The following IMMT variants were observed in gnomAD, a reference collection of about 807,000 sequenced individuals.
IMMT encodes inner membrane mitochondrial protein.
In IMMT, 40 loss-of-function variants were observed where a neutral mutation model predicts 92.7. That is an observed-to-expected ratio of 0.43 (90% confidence interval 0.34 to 0.56). The LOEUF (loss-of-function observed/expected upper bound fraction) is 0.56. IMMT is among the 20% of genes least tolerant of loss of function. The pLI is 0.03. For synonymous variants in IMMT, 322 were observed against 336.1 expected (o/e 0.96, Z 0.46); for missense variants, 831 against 912.1 (o/e 0.91, Z 1.14).
chr2:86,170,647 AACC>A (rs1677017427), intron 6 of IMMT, 99 bp downstream of exon 6: 1 of 732,026 alleles, frequency 1.4e-6, no homozygotes, highest in African/African-American at 1.8e-5. Flanking sequence ...CAACAAAAGA[AACC>A]ACAACTAGGT....
intron 13 of IMMT, among the ~76,000 whole-genome samples, chr2:86,146,653 G>T (rs1453546807): frequency 6.6e-6 from 1 of 152,138 alleles, no homozygotes; most frequent in Non-Finnish European, 1.5e-5. Context: ...GTGAGCCACC[G>T]TGCCCGGCCG....
intron 4 of IMMT, among the ~76,000 whole-genome samples, chr2:86,171,850 A>C (rs2105241028): frequency 8.6e-6 from 1 of 116,654 alleles, no homozygotes; most frequent in Non-Finnish European, 2.0e-5. Flanking sequence ...TAAAATACAT[A>C]TATATATATA....
chr2:86,194,466 A>T (rs1673390977), intron 1 of IMMT, among the ~76,000 whole-genome samples: 1 of 152,198 alleles, frequency 6.6e-6, no homozygotes, highest in African/African-American at 2.4e-5. Context: ...ACAAAGCTTG[A>T]CTTTTATGAT....
rs772186185 is a variant in IMMT at position 86,152,440 on chromosome 2, C to CAAAAAAAAAA, written c.1178-930_1178-921dup. 1.3e-3 allele frequency among the ~76,000 whole-genome samples: 99 copies of CAAAAAAAAAA among 76,814 alleles called. 3 individuals carry two copies. The highest frequency in any genetic ancestry group is 1.5e-3 in the African/African-American group (28 of 18,518). 50.4% of individuals were successfully genotyped at this position (76,814 alleles called of 152,430 possible). A position where few individuals can be genotyped will look rare whatever the true frequency, so the allele number is the denominator to read the frequency against. ...TGGGCAACAGAGCAAGACTCCATCT[C>CAAAAAAAAAA]AAAAAAAAAAAAAAAAAAGAGAGAA... is the stretch of plus-strand genomic sequence containing the variant. On this transcript the variant is annotated intron_variant, in intron 11 of 14. Transcript: ENST00000410111.
intron 8 of IMMT, 48 bp from the exon 9 acceptor site, chr2:86,159,719 A>C (rs773007207): frequency 3.4e-6 from 5 of 1,486,554 alleles, no homozygotes; most frequent in Non-Finnish European, 4.5e-6. Context: ...TGTCAACTGT[A>C]TTAAAAAGTT....
At chr2:86,181,712 T>A (rs1215439058) in intron 1 of IMMT, among the ~76,000 whole-genome samples, 1 of 152,260 alleles carries the variant, frequency 6.6e-6, no homozygotes, top group East Asian at 1.9e-4. Flanking sequence ...AAAAAAAATC[T>A]ATTTTTACTT....
chr2:86,158,474 A>G lies in IMMT; in HGVS notation c.1162+118T>C, dbSNP rs567417714. 814 of 760,314 alleles carry G rather than the reference A, an allele frequency of 1.1e-3. 1 individual carries two copies. The highest frequency in any genetic ancestry group is 1.5e-3 in the Non-Finnish European group (713 of 478,844). The allele number at this position is 760,314 out of a possible 1,614,324, so 47.1% of individuals were successfully genotyped here. A position where few individuals can be genotyped will look rare whatever the true frequency, so the allele number is the denominator to read the frequency against. On this transcript the variant is annotated intron_variant, in intron 10 of 14. Coordinates refer to ENST00000410111, the MANE Select transcript of IMMT (RefSeq NM_006839.3). ...GTGGTTAAAATAAAACGCTGTAACAAAAAGAGATATGCATGCATGCCAGAG... is the reference window on the plus strand; with the variant it reads ...GTGGTTAAAATAAAACGCTGTAACAGAAAGAGATATGCATGCATGCCAGAG...
intron 1 of IMMT, chr2:86,192,910 A>T (rs1235079338): frequency 6.5e-6 from 1 of 154,064 alleles, no homozygotes. Context: ...AGAAAAATGA[A>T]ATATGAGAAG....
chr2:86,156,799 CATTTT>C (rs1324411538), intron 10 of IMMT, among the ~76,000 whole-genome samples: 1 of 152,054 alleles, frequency 6.6e-6, no homozygotes, highest in Non-Finnish European at 1.5e-5. Flanking sequence ...AACCTAATTT[CATTTT>C]ATTTGAGCCA....
intron 12 of IMMT, among the ~76,000 whole-genome samples, chr2:86,149,829 A>C (rs542557385): frequency 4.0e-5 from 6 of 151,804 alleles, no homozygotes; most frequent in African/African-American, 1.5e-4. Context: ...GCAATGAGCC[A>C]AGATTGCACT....
At chr2:86,150,807 C>T (rs1675409840) in intron 12 of IMMT, among the ~76,000 whole-genome samples, 1 of 152,190 alleles carries the variant, frequency 6.6e-6, no homozygotes, top group East Asian at 1.9e-4. Flanking sequence ...AGGAACTCTG[C>T]TCGATCACTC....
At chr2:86,145,974 A>G (rs993701654) in intron 14 of IMMT, 94 bp downstream of exon 14, 40 of 966,748 alleles carry the variant, frequency 4.1e-5, no homozygotes, top group Non-Finnish European at 5.5e-5. Context: ...TTATGTCCTG[A>G]TGTCAGTACA....
At chr2:86,145,987 T>G in intron 14 of IMMT, 81 bp downstream of exon 14, 1 of 1,140,980 alleles carries the variant, frequency 8.8e-7, no homozygotes, top group Non-Finnish European at 1.2e-6. Flanking sequence ...TCAGTACATG[T>G]ACCCCATTTT....
chr2:86,159,432 A>C, intron 9 of IMMT, 104 bp downstream of exon 9: 1 of 1,003,548 alleles, frequency 1.0e-6, no homozygotes. Flanking sequence ...TTGCAGGAGA[A>C]AAGACGGGGA....
At chr2:86,166,396 C>T in intron 7 of IMMT, 112 bp downstream of exon 7, 2 of 877,044 alleles carry the variant, frequency 2.3e-6, no homozygotes, top group East Asian at 2.6e-5. Flanking sequence ...AAGCCGATAT[C>T]ATACGGAAGA....
rs184715322 is a variant in IMMT, at chr2:86,150,175, A to G, written c.1401+1122T>C. On this transcript the variant is annotated intron_variant, in intron 12 of 14. Coordinates refer to ENST00000410111, the MANE Select transcript of IMMT (RefSeq NM_006839.3). ...ATCTGTTTGGAGCATGATAAGCATG[A>G]AATGACTACTGAAAATCAAGCTGGA... Among the ~76,000 whole-genome samples, 6 of 152,350 alleles carry G rather than the reference A, an allele frequency of 3.9e-5. 1 individual carries two copies. The highest frequency in any genetic ancestry group is 7.3e-5 in the Non-Finnish European group (5 of 68,030).
rs1461787955 is a variant in IMMT at position 86,162,022 on chromosome 2, G to A, written c.850C>T (p.Arg284Cys). The change falls in exon 8 of 15, where the codon CGC (arginine) becomes TGC (cysteine). Residue 284 changes from arginine to cysteine, a missense_variant. Physicochemically the swap from Arg to Cys is radical, Grantham distance 180 (BLOSUM62 -3). Transcript: ENST00000410111. ...GCAGCTTCATCTACTGCCTTTCTGC[G>A]TTCCTTCAATGCACCCTCCACTGTG... ...WRTVEGALKE[R>C]RKAVDEAADA... 4.4e-6 allele frequency: 7 copies of A among 1,607,120 alleles called. No individual in the cohort carries two copies. Among genetic ancestry groups the A allele is most frequent in the Admixed American group, 1.7e-5 (1 of 59,292 alleles).
chr2:86,170,273 G>C (rs1198444641), intron 6 of IMMT, among the ~76,000 whole-genome samples: 1 of 152,084 alleles, frequency 6.6e-6, no homozygotes, highest in East Asian at 1.9e-4. Flanking sequence ...TAAAAAATTA[G>C]CTGGGTATGG....
At chr2:86,182,995 T>C (rs1490418172) in intron 1 of IMMT, among the ~76,000 whole-genome samples, 1 of 152,238 alleles carries the variant, frequency 6.6e-6, no homozygotes, top group Non-Finnish European at 1.5e-5. Context: ...GTTTTCCTTC[T>C]ATTCTGTAAA....
Sources: gnomAD v4.1 joint callset for allele counts (sites outside exome capture counted in the v4.1 genomes callset) on GRCh38, gnomAD v4.1.1 for gene constraint, MANE v1.5 for transcripts, NCBI Gene and HGNC (gene_info 2026-07-23, HGNC 2026-07-21) for gene names.